Variants in SLC26A7 observed in about 807,000 individuals in gnomAD.
SLC26A7 encodes the protein solute carrier family 26 member 7, also known as anion exchange transporter.
SLC26A7 carries 59 observed loss-of-function variants against 82.5 expected under a neutral mutation model. That is an observed-to-expected ratio of 0.72 (90% confidence interval 0.58 to 0.89). The LOEUF (loss-of-function observed/expected upper bound fraction) is 0.89. SLC26A7 is among the 40% of genes least tolerant of loss of function. SLC26A7 has a pLI of 0.00. For synonymous variants in SLC26A7, 271 were observed against 274.3 expected (o/e 0.99, Z 0.12); for missense variants, 820 against 793.0 (o/e 1.03, Z -0.41).
chr8:91,246,012 T>C (rs1479398965), upstream of SLC26A7, among the ~76,000 whole-genome samples: 1 of 152,160 alleles, frequency 6.6e-6, no homozygotes, highest in Non-Finnish European at 1.5e-5. Context: ...AAAATAACTG[T>C]GTTGAAAAAA....
chr8:91,243,907 A>G (rs1810507311), intron 2 of SLC26A7, among the ~76,000 whole-genome samples: 1 of 152,268 alleles, frequency 6.6e-6, no homozygotes, highest in African/African-American at 2.4e-5. Context: ...TGCATTAAAT[A>G]TAAAGACATA....
chr8:91,217,691 C>A (rs909975857), intron 1 of SLC26A7, among the ~76,000 whole-genome samples: 2 of 152,084 alleles, frequency 1.3e-5, no homozygotes, highest in Admixed American at 1.3e-4. Context: ...GGTAGTTGCC[C>A]AAAGGAAAAA....
intron 5 of SLC26A7, among the ~76,000 whole-genome samples, chr8:91,333,912 G>A (rs1257962767): frequency 6.6e-6 from 1 of 152,074 alleles, no homozygotes; most frequent in East Asian, 1.9e-4. Context: ...TTTGCTTCTG[G>A]GGTTTGAGGA....
At chr8:91,329,733 T>C (rs557293847) in intron 5 of SLC26A7, among the ~76,000 whole-genome samples, 2 of 152,302 alleles carry the variant, frequency 1.3e-5, no homozygotes, top group East Asian at 3.9e-4. Flanking sequence ...GTCTTCTTCC[T>C]GACAGATCAT....
intron 1 of SLC26A7, among the ~76,000 whole-genome samples, chr8:91,217,011 T>C (rs185125772): frequency 2.0e-4 from 30 of 152,252 alleles, no homozygotes; most frequent in Non-Finnish European, 3.8e-4. Context: ...CTTTTTCTTA[T>C]ATTGTGAAAT....
At chr8:91,357,767 A>G (rs1813913844) in intron 11 of SLC26A7, among the ~76,000 whole-genome samples, 1 of 152,222 alleles carries the variant, frequency 6.6e-6, no homozygotes, top group Non-Finnish European at 1.5e-5. Flanking sequence ...ATGGGATCTA[A>G]CTAAACTAAA....
intron 15 of SLC26A7, among the ~76,000 whole-genome samples, chr8:91,384,953 A>G (rs1055641807): frequency 6.6e-6 from 1 of 152,196 alleles, no homozygotes; most frequent in Non-Finnish European, 1.5e-5. Flanking sequence ...ACTTTCTTTT[A>G]AAAAATTATG....
At chr8:91,342,015 C>A (rs999191375) in intron 8 of SLC26A7, among the ~76,000 whole-genome samples, 1 of 152,100 alleles carries the variant, frequency 6.6e-6, no homozygotes, top group African/African-American at 2.4e-5. Context: ...GCGGCCTCAA[C>A]CTCCTGGGCT....
At chr8:91,341,125 T>G (rs1813399470) in intron 8 of SLC26A7, among the ~76,000 whole-genome samples, 1 of 152,040 alleles carries the variant, frequency 6.6e-6, no homozygotes, top group South Asian at 2.1e-4. Flanking sequence ...CTCCCAATGC[T>G]ATCCCTCCCT....
intron 16 of SLC26A7, 150 bp downstream of exon 16, chr8:91,389,588 T>C: frequency 3.0e-6 from 2 of 661,488 alleles, no homozygotes; most frequent in Non-Finnish European, 5.4e-6. Flanking sequence ...TTGCCTACCA[T>C]CACTGTAGAT....
intron 2 of SLC26A7, among the ~76,000 whole-genome samples, chr8:91,244,099 A>G (rs1004793404): frequency 6.6e-6 from 1 of 152,202 alleles, no homozygotes; most frequent in African/African-American, 2.4e-5. Flanking sequence ...TTACAGACAC[A>G]CAATTATGTA....
Position 91,218,723 on chromosome 8 carries a change from G to A in SLC26A7, c.-149-167G>A, listed in dbSNP as rs112400784. ...CATTTGAGTATGATTTTCTTAGCTA[G>A]TTAAGTTTGTGTTTTTATGTGTGAG... On this transcript the variant is annotated intron_variant, in intron 1 of 5. Coordinates refer to the SLC26A7 transcript ENST00000522862. Among the ~76,000 whole-genome samples, 918 of 152,206 alleles carry A rather than the reference G, an allele frequency of 6.0e-3. 7 individuals are homozygous for A. The highest frequency in any genetic ancestry group is 0.015 in the Admixed American group (232 of 15,264).
intron 2 of SLC26A7, among the ~76,000 whole-genome samples, chr8:91,230,864 CA>C (rs552339999): frequency 1.3e-3 from 193 of 152,210 alleles, no homozygotes; most frequent in African/African-American, 4.5e-3. Flanking sequence ...GGAAAAAGAC[CA>C]AATTGAATTT....
chr8:91,268,587 T>C (rs1005890040), intron 2 of SLC26A7, among the ~76,000 whole-genome samples: 5 of 151,792 alleles, frequency 3.3e-5, no homozygotes, highest in African/African-American at 1.2e-4. Flanking sequence ...TTTTAATTCA[T>C]TCAGCCATAT....
At chr8:91,356,198 T>C (rs892499946) in intron 11 of SLC26A7, among the ~76,000 whole-genome samples, 2 of 151,870 alleles carry the variant, frequency 1.3e-5, no homozygotes, top group African/African-American at 4.8e-5. Flanking sequence ...TACGTGTGCA[T>C]GTGTCTTTAT....
intron 2 of SLC26A7, among the ~76,000 whole-genome samples, chr8:91,219,560 C>T (rs1029650142): frequency 1.3e-5 from 2 of 151,896 alleles, no homozygotes; most frequent in African/African-American, 2.4e-5. Flanking sequence ...GACAAACTGC[C>T]GAGGCAGTAG....
intron 2 of SLC26A7, among the ~76,000 whole-genome samples, chr8:91,236,322 A>G (rs1173447439): frequency 6.6e-6 from 1 of 152,148 alleles, no homozygotes; most frequent in African/African-American, 2.4e-5. Flanking sequence ...CAAAGTTTTC[A>G]GGGAATAATA....
At chr8:91,286,722 C>T (rs557229886) in intron 2 of SLC26A7, among the ~76,000 whole-genome samples, 23 of 152,034 alleles carry the variant, frequency 1.5e-4, no homozygotes, top group Non-Finnish European at 2.1e-4. Context: ...AATTTGTTAG[C>T]GACTTATTAA....
In SLC26A7 at chr8:91,287,366, C is replaced by T. The variant is rs546770573; in HGVS notation, c.194-1770C>T. Among the ~76,000 whole-genome samples, 5 of 152,258 alleles carry T rather than the reference C, an allele frequency of 3.3e-5. No homozygotes were observed. The South Asian group carries it at 6.2e-4, about 19-fold the overall frequency. ...TATTGTAATAAGGCAGACAGATAAGCAGGAGGTAGCTATTCACGCTATTCA... is the reference window on the plus strand; with the variant it reads ...TATTGTAATAAGGCAGACAGATAAGTAGGAGGTAGCTATTCACGCTATTCA... On this transcript the variant is annotated intron_variant, in intron 2 of 18. Coordinates refer to ENST00000276609, the MANE Select transcript of SLC26A7 (RefSeq NM_052832.4).
Sources: gnomAD v4.1 joint callset for allele counts (sites outside exome capture counted in the v4.1 genomes callset) on GRCh38, gnomAD v4.1.1 for gene constraint, MANE v1.5 for transcripts, NCBI Gene and HGNC (gene_info 2026-07-23, HGNC 2026-07-21) for gene names.